SMIM42: variants seen among roughly 807,000 people sequenced by gnomAD.
SMIM42 encodes small integral membrane protein 42.
exon 1 of SMIM42, among the ~76,000 whole-genome samples, chr1:158,127,373 C>G (rs1662845189): frequency 6.6e-6 from 1 of 151,796 alleles, no homozygotes. Flanking sequence ...GAGAGTGAGC[C>G]ATTTCATTTT....
exon 1 of SMIM42, among the ~76,000 whole-genome samples, chr1:158,127,845 C>A (rs1662852214): frequency 6.6e-6 from 1 of 152,306 alleles, no homozygotes. Context: ...GGAGTCCCCA[C>A]CAAGAGATCC....
exon 1 of SMIM42, among the ~76,000 whole-genome samples, chr1:158,127,622 A>AAG (rs1558030292): frequency 1.4e-5 from 2 of 144,360 alleles, no homozygotes; most frequent in African/African-American, 2.6e-5. Context: ...AAAAAAAAAA[A>AAG]GACATTCAAA....
exon 1 of SMIM42, among the ~76,000 whole-genome samples, chr1:158,127,786 C>G (rs1662851339): frequency 6.6e-6 from 1 of 152,150 alleles, no homozygotes; most frequent in African/African-American, 2.4e-5. Flanking sequence ...GGCTCTGAGA[C>G]AGCTCCAGTG....
rs920000512 is a variant in SMIM42 at position 158,128,063 on chromosome 1, TG to T, written c.11del (p.Pro4HisfsTer24). ...TGTCCCATAAGAAAGCTGGAAGTTG[TG>T]GGGAGGACATAAGCTTCCAAAAAGA... On this transcript the variant is annotated frameshift_variant, in exon 1 of 1. Coordinates refer to ENST00000672824, the Ensembl canonical transcript of SMIM42. LOFTEE classifies it low-confidence loss of function (END_TRUNC). Among the ~76,000 whole-genome samples the T allele has an allele frequency of 6.6e-6, 1 of 152,018 alleles. No individual in the cohort carries two copies. The highest frequency in any genetic ancestry group is 1.5e-5 in the Non-Finnish European group (1 of 67,990).
rs182525861 is a variant in SMIM42, at chr1:158,128,260, C to T, written c.-186G>A. Among the ~76,000 whole-genome samples the T allele has an allele frequency of 1.8e-4, 27 of 152,294 alleles. No homozygotes were observed. In the East Asian group the frequency reaches 4.3e-3, roughly 24 times the overall value. ...GTAATGGAGAAGGCATAGACGTTTG[C>T]TCAGCAAGGCCAAACAACTGCTTCC... is the stretch of plus-strand genomic sequence containing the variant. On this transcript the variant is annotated 5_prime_UTR_variant, in exon 1 of 1. Coordinates refer to ENST00000672824, the Ensembl canonical transcript of SMIM42.
chr1:158,127,709 G>T (rs974547600), exon 1 of SMIM42, among the ~76,000 whole-genome samples: 3 of 152,012 alleles, frequency 2.0e-5, no homozygotes, highest in African/African-American at 7.2e-5. Flanking sequence ...AAGGAAATGA[G>T]GCCTGGGGGG....
chr1:158,128,044 A>G (rs915739218), exon 1 of SMIM42, among the ~76,000 whole-genome samples: 14 of 152,162 alleles, frequency 9.2e-5, no homozygotes, highest in African/African-American at 3.4e-4. Context: ...CCCTTGTCCC[A>G]TAAGAAAGCT....
rs527558959 is a variant in SMIM42 at position 158,127,749 on chromosome 1, A to G, written c.*113T>C. On this transcript the variant is annotated 3_prime_UTR_variant, in exon 1 of 1. Transcript: ENST00000672824. ...CTGGCAATGGAGGAACAGGGTGGCT[A>G]AAGCAGCTCTGGCTCCCCTGGCTCT... 5.3e-4 allele frequency among the ~76,000 whole-genome samples: 80 copies of G among 152,286 alleles called. No individual in the cohort carries two copies. The South Asian group carries it at 0.015, about 28-fold the overall frequency.
chr1:158,127,597 TCC>T (rs1662847409), exon 1 of SMIM42, among the ~76,000 whole-genome samples: 1 of 63,946 alleles, frequency 1.6e-5, no homozygotes, highest in African/African-American at 7.4e-5. Context: ...GTCTTGAAGA[TCC>T]ACAAAAAAAA....
exon 1 of SMIM42, among the ~76,000 whole-genome samples, chr1:158,127,610 A>G (rs1662847943): frequency 1.3e-5 from 2 of 151,934 alleles, no homozygotes; most frequent in South Asian, 4.2e-4. Flanking sequence ...ACAAAAAAAA[A>G]AAAAAAAAAA....
At chr1:158,128,037 T>C (rs974217165) in exon 1 of SMIM42, among the ~76,000 whole-genome samples, 4 of 152,158 alleles carry the variant, frequency 2.6e-5, no homozygotes, top group African/African-American at 9.7e-5. Flanking sequence ...GAGTGTACCC[T>C]TGTCCCATAA....
At chr1:158,127,429 C>G (rs1662845721) in exon 1 of SMIM42, among the ~76,000 whole-genome samples, 2 of 152,064 alleles carry the variant, frequency 1.3e-5, no homozygotes, top group African/African-American at 4.8e-5. Context: ...CATTATATAA[C>G]TTGAGATGCT....
exon 1 of SMIM42, among the ~76,000 whole-genome samples, chr1:158,127,796 G>A (rs1229229284): frequency 1.3e-5 from 2 of 152,144 alleles, no homozygotes; most frequent in Non-Finnish European, 2.9e-5. Flanking sequence ...CAGCTCCAGT[G>A]GCCGTGCCTC....
exon 1 of SMIM42, among the ~76,000 whole-genome samples, chr1:158,127,557 T>C (rs1045712058): frequency 4.2e-5 from 6 of 142,386 alleles, no homozygotes; most frequent in Non-Finnish European, 9.0e-5. Flanking sequence ...CCTCTGTTAG[T>C]GCAGAAATCA....
exon 1 of SMIM42, among the ~76,000 whole-genome samples, chr1:158,127,297 A>T (rs962906488): frequency 1.3e-5 from 2 of 151,994 alleles, no homozygotes; most frequent in African/African-American, 4.8e-5. Context: ...ATTTCTTAAT[A>T]AAAAAAATAC....
At chr1:158,127,601 CAAAAAAAAA>C in exon 1 of SMIM42, among the ~76,000 whole-genome samples, 1 of 116,308 alleles carries the variant, frequency 8.6e-6, no homozygotes, top group African/African-American at 3.3e-5. Flanking sequence ...TGAAGATCCA[CAAAAAAAAA>C]AAAAAAAAAA....
At chr1:158,128,113 G>A (rs932880917) in exon 1 of SMIM42, among the ~76,000 whole-genome samples, 2 of 152,176 alleles carry the variant, frequency 1.3e-5, no homozygotes, top group Non-Finnish European at 2.9e-5. Flanking sequence ...CGTGGTGCAA[G>A]CCGACTGCCC....
exon 1 of SMIM42, among the ~76,000 whole-genome samples, chr1:158,127,375 T>A (rs541597461): frequency 6.6e-6 from 1 of 151,978 alleles, no homozygotes; most frequent in East Asian, 1.9e-4. Context: ...GAGTGAGCCA[T>A]TTCATTTTAA....
exon 1 of SMIM42, among the ~76,000 whole-genome samples, chr1:158,127,612 A>C (rs978401044): frequency 2.0e-5 from 3 of 151,930 alleles, no homozygotes; most frequent in Non-Finnish European, 4.4e-5. Context: ...AAAAAAAAAA[A>C]AAAAAAAAAA....
Sources: allele counts gnomAD v4.1 joint callset (sites outside exome capture counted in the v4.1 genomes callset), GRCh38; gene constraint gnomAD v4.1.1; transcripts MANE v1.5; gene names NCBI Gene and HGNC (gene_info 2026-07-23, HGNC 2026-07-21).